Variants in DDX52 observed in about 807,000 individuals in gnomAD.
DDX52 encodes the protein probable ATP-dependent RNA helicase DDX52.
In DDX52, 59 loss-of-function variants were observed where a neutral mutation model predicts 76.1. That is an observed-to-expected ratio of 0.78 (90% CI 0.63 to 0.96). The LOEUF (loss-of-function observed/expected upper bound fraction) is 0.96. DDX52 is among the 40% of genes least tolerant of loss of function. DDX52 has a pLI of 0.00. For missense variants in DDX52, 707 were observed against 703.9 expected (o/e 1.00, Z -0.05); for synonymous variants, 231 against 244.1 (o/e 0.95, Z 0.50).
chr17:37,624,186 T>G, intron 9 of DDX52, 158 bp downstream of exon 9: 1 of 468,206 alleles, frequency 2.1e-6, no homozygotes, highest in Non-Finnish European at 3.8e-6. Flanking sequence ...AGGATGATCA[T>G]ATAGTTAGCA....
intron 5 of DDX52, among the ~76,000 whole-genome samples, chr17:37,629,536 G>C (rs897738366): frequency 2.6e-5 from 4 of 152,024 alleles, no homozygotes; most frequent in Admixed American, 2.0e-4. Flanking sequence ...ACCAGGCGCA[G>C]TGGCATGTGC....
chr17:37,632,175 G>C lies in DDX52; in HGVS notation c.541C>G (p.Leu181Val), dbSNP rs759818696. 1.2e-6 allele frequency: 2 copies of C among 1,613,654 alleles called. No homozygotes were observed. Among genetic ancestry groups the C allele is most frequent in the Non-Finnish European group, 8.5e-7 (1 of 1,179,966 alleles). ...GTAGGCATTTGGAAACCTGCATCTA[G>C]AATGTTCTGAAGTAGTCGAGAATTG... ...KINSRLLQNI[L>V]DAGFQMPTPI... Residue 181 changes from leucine (L) to valine (V), a missense_variant, in exon 4 of 15, where the codon CTA becomes GTA. By Grantham distance (32) the Leu-to-Val change is conservative. Coordinates refer to ENST00000617633, the MANE Select transcript of DDX52 (RefSeq NM_007010.5).
rs1279233608 is a variant in DDX52 at position 37,643,333 on chromosome 17, C to G, written c.87+1G>C. Reference sequence around the variant, plus strand: ...GGCCCTCGGTCCCTTGGGCACAGTACCTGGAATCGAGCTGCGTCTGCCGAG... The same window carrying G: ...GGCCCTCGGTCCCTTGGGCACAGTAGCTGGAATCGAGCTGCGTCTGCCGAG... On this transcript the variant is annotated splice_donor_variant, in intron 1 of 14. Coordinates refer to ENST00000617633, the MANE Select transcript of DDX52 (RefSeq NM_007010.5). LOFTEE classifies it high-confidence loss of function. 6 of 1,613,702 alleles carry G rather than the reference C, an allele frequency of 3.7e-6. No individual in the cohort carries two copies. Among genetic ancestry groups the G allele is most frequent in the Non-Finnish European group, 5.1e-6 (6 of 1,179,730 alleles).
intron 2 of DDX52, chr17:37,639,496 G>C: frequency 1.0e-6 from 1 of 985,136 alleles, no homozygotes; most frequent in South Asian, 4.0e-5. Context: ...CCAGCACTTT[G>C]GGAGCCCAAG....
intron 12 of DDX52, 192 bp from the exon 13 acceptor site, chr17:37,620,031 T>C (rs932689067): frequency 3.8e-6 from 2 of 527,124 alleles, no homozygotes; most frequent in African/African-American, 1.9e-5. Flanking sequence ...GGGCTGAAAT[T>C]AATGCACTGA....
In DDX52 at chr17:37,611,946, C is replaced by A. The variant is rs1330224689; in HGVS notation, c.*2350G>T. On this transcript the variant is annotated 3_prime_UTR_variant, in exon 15 of 15. Coordinates refer to ENST00000617633, the MANE Select transcript of DDX52 (RefSeq NM_007010.5). ...ACTAAACTCCAAATTAGGTAACAGA[C>A]CCTGTTTCTCAAAAAAAAAAAAAAA... 2.8e-5 allele frequency: 4 copies of A among 142,510 alleles called. No homozygotes were observed. The highest frequency in any genetic ancestry group is 2.2e-4 in the South Asian group (1 of 4,602). 8.8% of individuals were successfully genotyped at this position (142,510 alleles called of 1,614,324 possible). A position where few individuals can be genotyped will look rare whatever the true frequency, so the allele number is the denominator to read the frequency against.
At position 37,612,821 on chromosome 17, in the gene DDX52, A is replaced by C. The variant is rs2064383178; in HGVS notation, c.*1475T>G. On this transcript the variant is annotated 3_prime_UTR_variant, in exon 15 of 15. Coordinates refer to ENST00000617633, the MANE Select transcript of DDX52 (RefSeq NM_007010.5). ...ATAATTTTATAGATGAGAACACTGA[A>C]ACTCTGAGAAATTAAGAACTTACTC... 1 of 152,192 alleles carries C rather than the reference A, an allele frequency of 6.6e-6. No homozygotes were observed. The highest frequency in any genetic ancestry group is 1.5e-5 in the Non-Finnish European group (1 of 68,034). 9.4% of individuals were successfully genotyped at this position (152,192 alleles called of 1,614,324 possible). A position where few individuals can be genotyped will look rare whatever the true frequency, so the allele number is the denominator to read the frequency against.
intron 9 of DDX52, 49 bp downstream of exon 9, chr17:37,624,295 T>A (rs2030250937): frequency 6.7e-7 from 1 of 1,484,698 alleles, no homozygotes; most frequent in Admixed American, 1.8e-5. Context: ...ACTAGTAATA[T>A]AAGACTTGGC....
rs1431024935 is a variant in DDX52, at chr17:37,621,542, C to G, written c.1228-22G>C. On this transcript the variant is annotated intron_variant, in intron 9 of 14. Transcript: ENST00000617633. ...AACCCTAAAAGAAGACAAAAATTGG[C>G]ATACATAACTCAATCAAGAATACAA... 5.6e-6 allele frequency: 9 copies of G among 1,595,056 alleles called. No homozygotes were observed. The African/African-American group carries it at 1.1e-4, about 19-fold the overall frequency.
rs148520175 is a variant in DDX52 at position 37,612,073 on chromosome 17, ATG to A, written c.*2221_*2222del. The A allele has an allele frequency of 2.3e-4, 34 of 150,056 alleles. No individual in the cohort carries two copies. The highest frequency in any genetic ancestry group is 9.7e-4 in the East Asian group (5 of 5,160). 9.3% of individuals were successfully genotyped at this position (150,056 alleles called of 1,614,324 possible). On this transcript the variant is annotated 3_prime_UTR_variant, in exon 15 of 15. Transcript: ENST00000617633. ...ATATATATAATACATAATATATATAATGTGTGTGTGTGTGTTTATTTTCAAGA... is the reference window on the plus strand; with the variant it reads ...ATATATATAATACATAATATATATAATGTGTGTGTGTGTTTATTTTCAAGA...
intron 12 of DDX52, chr17:37,620,172 G>A (rs1382174099): frequency 8.1e-6 from 2 of 245,540 alleles, no homozygotes; most frequent in Non-Finnish European, 1.6e-5. Flanking sequence ...GCCTACTATG[G>A]GGTTGGCACC....
chr17:37,615,037 C>T (rs1184145414), intron 14 of DDX52: 1 of 152,226 alleles, frequency 6.6e-6, no homozygotes. Context: ...CGACTCACTG[C>T]ATGGGGCTGA....
intron 2 of DDX52, among the ~76,000 whole-genome samples, chr17:37,637,398 T>C (rs2030982925): frequency 6.6e-6 from 1 of 151,280 alleles, no homozygotes; most frequent in Admixed American, 6.6e-5. Context: ...CCCAAAGTAC[T>C]GGGATTATAG....
At position 37,609,887 on chromosome 17, in the gene DDX52, C is replaced by CA. The variant is rs1209273252; in HGVS notation, c.*4408dup. On this transcript the variant is annotated 3_prime_UTR_variant, in exon 15 of 15. Transcript: ENST00000617633. ...CTCTTTCTCTGGAACTCGGTAGCTT[C>CA]ATGTTGGCACCTATCACAGACGCTG... 6.6e-6 allele frequency: 1 copy of CA among 152,440 alleles called. No individual in the cohort carries two copies. Among genetic ancestry groups the CA allele is most frequent in the African/African-American group, 2.4e-5 (1 of 41,460 alleles). The allele number at this position is 152,440 out of a possible 1,614,324, so 9.4% of individuals were successfully genotyped here.
intron 3 of DDX52, 107 bp from the exon 4 acceptor site, chr17:37,632,405 G>A (rs1234162141): frequency 1.6e-6 from 2 of 1,281,812 alleles, no homozygotes; most frequent in African/African-American, 3.0e-5. Flanking sequence ...AGCAGCATAT[G>A]AAACTTTTTG....
intron 9 of DDX52, 27 bp from the exon 10 acceptor site, chr17:37,621,547 A>G (rs1014790212): frequency 1.9e-6 from 3 of 1,590,812 alleles, no homozygotes; most frequent in Non-Finnish European, 1.7e-6. Context: ...ATTGGCATAC[A>G]TAACTCAATC....
Position 37,612,634 on chromosome 17 carries a change from AG to A in DDX52, c.*1661del, listed in dbSNP as rs2064381187. 1 of 152,216 alleles carries A rather than the reference AG, an allele frequency of 6.6e-6. No individual in the cohort carries two copies. Among genetic ancestry groups the A allele is most frequent in the Admixed American group, 6.5e-5 (1 of 15,278 alleles). 9.4% of individuals were successfully genotyped at this position (152,216 alleles called of 1,614,324 possible). A position where few individuals can be genotyped will look rare whatever the true frequency, so the allele number is the denominator to read the frequency against. On this transcript the variant is annotated 3_prime_UTR_variant, in exon 15 of 15. Transcript: ENST00000617633. ...TTCTCAGAACATATCTCTGTCATTA[AG>A]TGATGCGTGACTCTATTTGCTCCTT...
rs576442612 is a variant in DDX52 at position 37,625,989 on chromosome 17, G to A, written c.1042C>T (p.Arg348Ter). The A allele has an allele frequency of 1.2e-5, 19 of 1,614,110 alleles. No homozygotes were observed. The highest frequency in any genetic ancestry group is 8.9e-5 in the East Asian group (4 of 44,884). ...IFLACTSHKVRRAMFSATFAY... is the reference protein window; with the variant it reads ...IFLACTSHKV ...AAAGTTGCACTGAACATAGCTCTTCGGACCTTGTGGGATGTGCAGGCCAGG... is the reference window on the plus strand; with the variant it reads ...AAAGTTGCACTGAACATAGCTCTTCAGACCTTGTGGGATGTGCAGGCCAGG... The change falls in exon 8 of 15, where the codon CGA (arginine) becomes TGA (stop). Residue 348 changes from arginine to a stop codon, truncating the protein, a stop_gained. Coordinates refer to ENST00000617633, the MANE Select transcript of DDX52 (RefSeq NM_007010.5). LOFTEE classifies it high-confidence loss of function.
intron 6 of DDX52, among the ~76,000 whole-genome samples, chr17:37,627,884 C>A (rs1277257035): frequency 6.6e-6 from 1 of 152,004 alleles, no homozygotes. Context: ...CTTCCCACCT[C>A]AGACTCCCAA....
Sources: allele counts gnomAD v4.1 joint callset (sites outside exome capture counted in the v4.1 genomes callset), GRCh38; gene constraint gnomAD v4.1.1; transcripts MANE v1.5; gene names NCBI Gene and HGNC (gene_info 2026-07-23, HGNC 2026-07-21).